STK32B: variants seen among roughly 807,000 people sequenced by gnomAD.
STK32B encodes the protein serine/threonine kinase 32B, also known as serine/threonine-protein kinase 32B.
A neutral mutation model predicts 52.6 loss-of-function variants in STK32B; 43 were observed. The observed-to-expected ratio is 0.82, with a 90% CI of 0.64 to 1.05. The LOEUF is 1.05. STK32B is among the 50% of genes least tolerant of loss of function. The pLI, the probability that STK32B is intolerant of heterozygous loss-of-function variation, is 0.00. For missense variants in STK32B, 621 were observed against 534.6 expected, an observed-to-expected ratio of 1.16 and a Z score of -1.59; for synonymous variants, 238 against 204.3, an observed-to-expected ratio of 1.17 and a Z score of -1.41.
At chr4:5,267,006 A>C (rs1343654943) in intron 3 of STK32B, among the ~76,000 whole-genome samples, 1 of 151,734 alleles carries the variant, frequency 6.6e-6, no homozygotes, top group Non-Finnish European at 1.5e-5. Context: ...CCCCATCTCA[A>C]ACATCTACAC....
chr4:5,450,729 G>A (rs1683695977), intron 7 of STK32B, among the ~76,000 whole-genome samples: 1 of 152,184 alleles, frequency 6.6e-6, no homozygotes, highest in Non-Finnish European at 1.5e-5. Context: ...AGAATTAAAT[G>A]ATTCTGATTA....
At chr4:5,108,278 A>T (rs2108800137) in intron 1 of STK32B, among the ~76,000 whole-genome samples, 2 of 152,344 alleles carry the variant, frequency 1.3e-5, no homozygotes, top group East Asian at 3.9e-4. Flanking sequence ...CTTCTGAGGC[A>T]ATTTGGATTG....
intron 2 of STK32B, among the ~76,000 whole-genome samples, chr4:5,166,500 G>A (rs943782216): frequency 6.8e-6 from 1 of 147,754 alleles, no homozygotes; most frequent in African/African-American, 2.5e-5. Flanking sequence ...GTGGGCCTAA[G>A]TCTACTCTGA....
At chr4:5,439,389 CA>C (rs1243956986) in intron 6 of STK32B, among the ~76,000 whole-genome samples, 24 of 152,050 alleles carry the variant, frequency 1.6e-4, no homozygotes, top group Admixed American at 5.2e-4. Flanking sequence ...TTTTTGGCTG[CA>C]TAAATGTCTT....
chr4:5,428,179 G>T (rs1018967115), intron 6 of STK32B, among the ~76,000 whole-genome samples: 1 of 151,956 alleles, frequency 6.6e-6, no homozygotes, highest in Non-Finnish European at 1.5e-5. Flanking sequence ...AGGCCGACGC[G>T]GGCGGATCAC....
chr4:5,232,845 T>C (rs1361310974), intron 3 of STK32B, among the ~76,000 whole-genome samples: 1 of 152,126 alleles, frequency 6.6e-6, no homozygotes, highest in Non-Finnish European at 1.5e-5. Flanking sequence ...CTCCTTCTGT[T>C]TGGGACAGGC....
chr4:5,252,517 C>T (rs1186005305), intron 3 of STK32B, among the ~76,000 whole-genome samples: 1 of 152,078 alleles, frequency 6.6e-6, no homozygotes. Context: ...GATGAGTGGC[C>T]CCATCTGCAG....
chr4:5,347,803 G>C lies in STK32B; in HGVS notation c.434+16410G>C, dbSNP rs568192922. Reference sequence around the variant, plus strand: ...CTTCCCTCTTTGCTCTCTTTCTCCTGTTCTGCCATGGTAAGACATGCCTTG... The same window carrying C: ...CTTCCCTCTTTGCTCTCTTTCTCCTCTTCTGCCATGGTAAGACATGCCTTG... On this transcript the variant is annotated intron_variant, in intron 4 of 11. Coordinates refer to ENST00000282908, the MANE Select transcript of STK32B (RefSeq NM_018401.3). 5.9e-5 allele frequency among the ~76,000 whole-genome samples: 9 copies of C among 152,250 alleles called. No homozygotes were observed. In the South Asian group the frequency reaches 1.9e-3, roughly 32 times the overall value.
At chr4:5,112,971 A>G (rs564419825) in intron 1 of STK32B, among the ~76,000 whole-genome samples, 1 of 152,196 alleles carries the variant, frequency 6.6e-6, no homozygotes. Context: ...CAAATATGCT[A>G]CTTCTTAAGG....
At chr4:5,458,474 A>C (rs1716757167) in intron 8 of STK32B, 1 of 152,242 alleles carries the variant, frequency 6.6e-6, no homozygotes, top group African/African-American at 2.4e-5. Context: ...GAGGCATAGG[A>C]AACCAAAATC....
rs73084033 is a variant in STK32B, at chr4:5,275,793, G to C, written c.261-55427G>C. 5.5e-3 allele frequency among the ~76,000 whole-genome samples: 835 copies of C among 152,190 alleles called. 11 individuals are homozygous for C. Among genetic ancestry groups the C allele is most frequent in the African/African-American group, 0.018 (764 of 41,496 alleles). On this transcript the variant is annotated intron_variant, in intron 3 of 11. Coordinates refer to ENST00000282908, the MANE Select transcript of STK32B (RefSeq NM_018401.3). ...AGAGTGGCGCACACTGAGTACTGCT[G>C]GTGGTGCCGAGGTCACTGGTGGGGT...
chr4:5,290,586 C>G (rs2108883101), intron 3 of STK32B, among the ~76,000 whole-genome samples: 1 of 151,584 alleles, frequency 6.6e-6, no homozygotes, highest in Non-Finnish European at 1.5e-5. Context: ...CAGCACGTGA[C>G]TGCATTTTTT....
At chr4:5,303,301 A>G (rs1042644605) in intron 3 of STK32B, among the ~76,000 whole-genome samples, 3 of 152,154 alleles carry the variant, frequency 2.0e-5, no homozygotes, top group Non-Finnish European at 4.4e-5. Flanking sequence ...TCCCACCAAC[A>G]GTGTAAAAGT....
intron 1 of STK32B, among the ~76,000 whole-genome samples, chr4:5,114,061 A>G (rs1248136875): frequency 6.6e-6 from 1 of 152,130 alleles, no homozygotes; most frequent in Non-Finnish European, 1.5e-5. Context: ...GAAATTGTGA[A>G]GGATACAATT....
chr4:5,376,663 G>T (rs1394757095), intron 4 of STK32B, among the ~76,000 whole-genome samples: 1 of 152,140 alleles, frequency 6.6e-6, no homozygotes, highest in East Asian at 1.9e-4. Context: ...AATGAGGCTG[G>T]AGGGAGCAGA....
chr4:5,105,554 AC>A (rs1371497374), intron 1 of STK32B, among the ~76,000 whole-genome samples: 4 of 149,834 alleles, frequency 2.7e-5, no homozygotes, highest in African/African-American at 9.8e-5. Context: ...GCGCATTTTT[AC>A]TCTCTTGCTG....
At chr4:5,261,997 T>C (rs2108845779) in intron 3 of STK32B, among the ~76,000 whole-genome samples, 1 of 152,294 alleles carries the variant, frequency 6.6e-6, no homozygotes, top group South Asian at 2.1e-4. Flanking sequence ...TTAGCACATA[T>C]GGTAATTTAG....
At chr4:5,300,104 C>T (rs1313308356) in intron 3 of STK32B, among the ~76,000 whole-genome samples, 1 of 152,146 alleles carries the variant, frequency 6.6e-6, no homozygotes, top group African/African-American at 2.4e-5. Context: ...ATCAAGTAGG[C>T]TTTATTCATG....
At chr4:5,186,950 C>T (rs548961418) in intron 3 of STK32B, among the ~76,000 whole-genome samples, 3 of 152,320 alleles carry the variant, frequency 2.0e-5, no homozygotes, top group African/African-American at 7.2e-5. Context: ...TCACAGGATG[C>T]ACCTGCCCGC....
Sources: allele counts gnomAD v4.1 joint callset (sites outside exome capture counted in the v4.1 genomes callset), GRCh38; gene constraint gnomAD v4.1.1; transcripts MANE v1.5; gene names NCBI Gene and HGNC (gene_info 2026-07-23, HGNC 2026-07-21).